The following CNTN5 variants were observed in gnomAD, a reference collection of about 807,000 sequenced individuals.
CNTN5 encodes contactin-5.
In CNTN5, 77 loss-of-function variants were observed where a neutral mutation model predicts 129.1. The ratio of observed to expected loss-of-function variants is 0.60; its 90% CI spans 0.50 to 0.72. The LOEUF (loss-of-function observed/expected upper bound fraction) is 0.72. Ranked by LOEUF, CNTN5 falls within the 30% of genes least tolerant of loss-of-function variation. The pLI, the probability that CNTN5 is intolerant of heterozygous loss-of-function variation, is 0.00. For missense variants in CNTN5, 1,478 were observed against 1,328.8 expected (o/e 1.11, Z -1.75); for synonymous variants, 509 against 465.6 (o/e 1.09, Z -1.20).
chr11:100,276,854 A>ATT (rs560279911), intron 18 of CNTN5, among the ~76,000 whole-genome samples: 13 of 147,122 alleles, frequency 8.8e-5, no homozygotes, highest in African/African-American at 3.2e-4. Flanking sequence ...TGTACAATTA[A>ATT]TTTTTTTTTT....
chr11:99,743,236 A>G (rs140503466), intron 3 of CNTN5, among the ~76,000 whole-genome samples: 2,055 of 152,290 alleles, frequency 0.013, 53 homozygotes, highest in African/African-American at 0.046. Context: ...ATGCATACAC[A>G]AATAACAAGT....
intron 7 of CNTN5, among the ~76,000 whole-genome samples, chr11:99,956,554 G>A (rs1280548190): frequency 1.3e-5 from 2 of 152,046 alleles, no homozygotes; most frequent in African/African-American, 2.4e-5. Flanking sequence ...CCTAAAACAT[G>A]TTCAGTACAC....
intron 2 of CNTN5, among the ~76,000 whole-genome samples, chr11:99,386,609 C>G (rs1455924323): frequency 6.6e-6 from 1 of 152,112 alleles, no homozygotes; most frequent in Non-Finnish European, 1.5e-5. Context: ...TCTTTATGAC[C>G]TGTATCTTGT....
intron 3 of CNTN5, among the ~76,000 whole-genome samples, chr11:99,647,169 A>G (rs923581515): frequency 1.3e-5 from 2 of 152,104 alleles, no homozygotes; most frequent in Non-Finnish European, 2.9e-5. Context: ...TTCAAGTCTT[A>G]CATTGAGGTC....
At chr11:99,417,974 G>C (rs568721057) in intron 2 of CNTN5, among the ~76,000 whole-genome samples, 3 of 152,098 alleles carry the variant, frequency 2.0e-5, no homozygotes, top group Non-Finnish European at 2.9e-5. Context: ...AAGTTATGCT[G>C]ACTTGGACAA....
chr11:99,887,703 A>G (rs1948936034), intron 6 of CNTN5, among the ~76,000 whole-genome samples: 1 of 152,252 alleles, frequency 6.6e-6, no homozygotes, highest in African/African-American at 2.4e-5. Flanking sequence ...TGGTGTAAGT[A>G]CACGAGTCGA....
chr11:99,848,334 T>A (rs1258165194), intron 6 of CNTN5, among the ~76,000 whole-genome samples: 1 of 152,196 alleles, frequency 6.6e-6, no homozygotes, highest in East Asian at 1.9e-4. Context: ...GAGTGTTTAA[T>A]GTCTGAAAGG....
intron 13 of CNTN5, among the ~76,000 whole-genome samples, chr11:100,182,033 G>T (rs1948152245): frequency 6.6e-6 from 1 of 151,984 alleles, no homozygotes; most frequent in African/African-American, 2.4e-5. Flanking sequence ...TAAAGTAAAA[G>T]GACTTAATCT....
intron 3 of CNTN5, among the ~76,000 whole-genome samples, chr11:99,688,522 G>A (rs570922377): frequency 6.6e-6 from 1 of 152,262 alleles, no homozygotes; most frequent in Admixed American, 6.5e-5. Flanking sequence ...TAAGTAAGGA[G>A]TCAATCGTGT....
At chr11:99,203,454 G>A (rs188455229) in intron 1 of CNTN5, among the ~76,000 whole-genome samples, 509 of 152,102 alleles carry the variant, frequency 3.3e-3, no homozygotes, top group African/African-American at 0.011. Flanking sequence ...TTTTACATTT[G>A]TATCATATAA....
At chr11:100,007,689 C>A (rs550791301) in intron 9 of CNTN5, among the ~76,000 whole-genome samples, 1 of 152,052 alleles carries the variant, frequency 6.6e-6, no homozygotes, top group Non-Finnish European at 1.5e-5. Context: ...TTGATCTACC[C>A]AGACCATTAA....
intron 1 of CNTN5, among the ~76,000 whole-genome samples, chr11:99,127,560 A>G (rs1565339056): frequency 6.6e-6 from 1 of 152,074 alleles, no homozygotes; most frequent in Admixed American, 6.5e-5. Flanking sequence ...CCTCTTCAAG[A>G]TCTCACTTCA....
chr11:100,270,641 C>T (rs1950391766), intron 17 of CNTN5, among the ~76,000 whole-genome samples: 1 of 152,158 alleles, frequency 6.6e-6, no homozygotes. Context: ...ATATCACAAA[C>T]TGTGTTTTTA....
chr11:99,335,492 G>A (rs1591537780), intron 2 of CNTN5, among the ~76,000 whole-genome samples: 2 of 151,912 alleles, frequency 1.3e-5, no homozygotes, highest in Non-Finnish European at 2.9e-5. Context: ...AACAGGAGGT[G>A]ACCTGAGGAA....
At chr11:99,665,231 A>G (rs1170813983) in intron 3 of CNTN5, among the ~76,000 whole-genome samples, 1 of 152,188 alleles carries the variant, frequency 6.6e-6, no homozygotes, top group African/African-American at 2.4e-5. Context: ...GTATTCTAGC[A>G]AAAGAAATAT....
At chr11:99,801,624 T>A (rs1298577661) in intron 3 of CNTN5, among the ~76,000 whole-genome samples, 2 of 98,924 alleles carry the variant, frequency 2.0e-5, no homozygotes, top group Non-Finnish European at 4.9e-5. Context: ...CAACTTTTTT[T>A]AACTCTTTTT....
chr11:99,574,155 G>A (rs144121040), intron 3 of CNTN5, among the ~76,000 whole-genome samples: 138 of 152,200 alleles, frequency 9.1e-4, no homozygotes, highest in African/African-American at 3.2e-3. Context: ...AACGTGCAGT[G>A]TTTTCTTTTC....
intron 8 of CNTN5, among the ~76,000 whole-genome samples, chr11:99,979,321 C>T (rs1253911135): frequency 1.3e-5 from 2 of 152,098 alleles, no homozygotes; most frequent in East Asian, 3.9e-4. Flanking sequence ...CTCCACAGGG[C>T]CCTTAGAAGC....
intron 1 of CNTN5, among the ~76,000 whole-genome samples, chr11:99,078,349 G>A (rs990276383): frequency 6.6e-6 from 1 of 152,114 alleles, no homozygotes; most frequent in African/African-American, 2.4e-5. Context: ...ATGTGTACAG[G>A]TACTATGGAG....
Sources: gnomAD v4.1 joint callset for allele counts (sites outside exome capture counted in the v4.1 genomes callset) on GRCh38, gnomAD v4.1.1 for gene constraint, MANE v1.5 for transcripts, NCBI Gene and HGNC (gene_info 2026-07-23, HGNC 2026-07-21) for gene names.